The following CPN2 variants were observed in gnomAD, a reference collection of about 807,000 sequenced individuals.
The protein encoded by CPN2 is carboxypeptidase N subunit 2, also known as carboxypeptidase N 83 kDa chain.
For synonymous variants in CPN2, 336 were observed against 318.4 expected (o/e 1.06, Z -0.59); for missense variants, 620 against 671.4 (o/e 0.92, Z 0.85).
chr3:194,348,769 G>C (rs772734193), intron 1 of CPN2, among the ~76,000 whole-genome samples: 1 of 152,140 alleles, frequency 6.6e-6, no homozygotes, highest in Non-Finnish European at 1.5e-5. Context: ...GTGCATGCTT[G>C]TAGTCTCAAC....
chr3:194,346,011 T>C (rs5001415), intron 1 of CPN2, among the ~76,000 whole-genome samples: 47,619 of 152,168 alleles, frequency 0.31, 8,065 homozygotes, highest in African/African-American at 0.43. Flanking sequence ...GCTCGGGAGA[T>C]GCAGGCAGAG....
chr3:194,342,409 C>A lies in CPN2; in HGVS notation c.294G>T (p.Arg98Ser), dbSNP rs748762807. 1 of 1,614,210 alleles carries A rather than the reference C, an allele frequency of 6.2e-7. No individual in the cohort carries two copies. The highest frequency in any genetic ancestry group is 1.3e-5 in the African/African-American group (1 of 75,054). Reference sequence around the variant, plus strand: ...TGCCTGTGACCTCCAGGTCCTCCAGCCTGGGCAGCCCCCCGAAGGCATCCG... The same window carrying A: ...TGCCTGTGACCTCCAGGTCCTCCAGACTGGGCAGCCCCCCGAAGGCATCCG... ...FRPDAFGGLP[R>S]LEDLEVTGSS... The change falls in exon 2 of 2, where the codon AGG becomes AGT. Residue 98 changes from arginine to serine, a missense_variant. Physicochemically the swap from Arg to Ser is moderately radical, Grantham distance 110. Transcript: ENST00000323830.
intron 1 of CPN2, among the ~76,000 whole-genome samples, 199 bp downstream of exon 1, chr3:194,351,042 GC>G (rs1420895967): frequency 2.0e-5 from 3 of 151,962 alleles, no homozygotes; most frequent in Admixed American, 1.3e-4. Context: ...ACAAACCCCC[GC>G]CCCACCTTCC....
At chr3:194,347,146 C>G (rs1248919027) in intron 1 of CPN2, among the ~76,000 whole-genome samples, 1 of 151,694 alleles carries the variant, frequency 6.6e-6, no homozygotes, top group Non-Finnish European at 1.5e-5. Context: ...CAAATGCCCA[C>G]AAATATGTTC....
intron 1 of CPN2, among the ~76,000 whole-genome samples, chr3:194,345,898 CT>C (rs1360513071): frequency 6.6e-6 from 1 of 152,242 alleles, no homozygotes; most frequent in East Asian, 1.9e-4. Context: ...AAATAATGTG[CT>C]TTACACATTT....
At chr3:194,344,116 G>A (rs1712965231) in intron 1 of CPN2, among the ~76,000 whole-genome samples, 1 of 152,254 alleles carries the variant, frequency 6.6e-6, no homozygotes, top group Non-Finnish European at 1.5e-5. Context: ...CTCTGCTGGT[G>A]CCTCCTCCAC....
chr3:194,342,544 G>A lies in CPN2; in HGVS notation c.159C>T (p.Asn53=). ...VPLDIPPYTK[N]IIFVETSFTT... ...TGAACGAGGTCTCCACAAAGATGATGTTTTTCGTATATGGCGGGATGTCCA... is the reference window on the plus strand; with the variant it reads ...TGAACGAGGTCTCCACAAAGATGATATTTTTCGTATATGGCGGGATGTCCA... Residue 53 remains asparagine, a synonymous_variant, in exon 2 of 2, where the codon AAC becomes AAT. Coordinates refer to ENST00000323830, the MANE Select transcript of CPN2 (RefSeq NM_001080513.4). 1 of 1,614,178 alleles carries A rather than the reference G, an allele frequency of 6.2e-7. No individual in the cohort carries two copies. Among genetic ancestry groups the A allele is most frequent in the Non-Finnish European group, 8.5e-7 (1 of 1,180,034 alleles).
Position 194,342,422 on chromosome 3 carries a change from C to T in CPN2, c.281G>A (p.Gly94Glu), listed in dbSNP as rs1397214539. 1.9e-6 allele frequency: 3 copies of T among 1,614,194 alleles called. No individual in the cohort carries two copies. Among genetic ancestry groups the T allele is most frequent in the Admixed American group, 1.7e-5 (1 of 60,022 alleles). The change falls in exon 2 of 2, where the codon GGG (glycine) becomes GAG (glutamate). Residue 94 changes from glycine (G) to glutamate (E), a missense_variant. Physicochemically the swap from Gly to Glu is moderately conservative, Grantham distance 98. Coordinates refer to ENST00000323830, the MANE Select transcript of CPN2 (RefSeq NM_001080513.4). The stretch of plus-strand genomic sequence containing the variant: ...CAGGTCCTCCAGCCTGGGCAGCCCC[C>T]CGAAGGCATCCGGCCTAAACTGGCA... ...QLCQFRPDAF[G>E]GLPRLEDLEV... is the part of the protein sequence containing the mutation.
intron 1 of CPN2, among the ~76,000 whole-genome samples, chr3:194,350,372 GA>G (rs1560040243): frequency 1.3e-5 from 2 of 152,302 alleles, no homozygotes; most frequent in East Asian, 3.9e-4. Context: ...AGTAGCAGGG[GA>G]AAGCACTTTA....
In CPN2 at chr3:194,342,402, C is replaced by T; in HGVS notation, c.301G>A (p.Asp101Asn). ...AAGCTACTGCCTGTGACCTCCAGGT[C>T]CTCCAGCCTGGGCAGCCCCCCGAAG... ...DAFGGLPRLE[D>N]LEVTGSSFLN... The change falls in exon 2 of 2, where the codon GAC becomes AAC. Residue 101 changes from aspartate to asparagine, a missense_variant. By Grantham distance (23) the Asp-to-Asn change is conservative. Coordinates refer to ENST00000323830, the MANE Select transcript of CPN2 (RefSeq NM_001080513.4). The T allele has an allele frequency of 6.2e-7, 1 of 1,614,186 alleles. No homozygotes were observed. The highest frequency in any genetic ancestry group is 1.6e-4 in the Middle Eastern group (1 of 6,062).
In CPN2 at chr3:194,340,963, T is replaced by C. The variant is rs1402702715; in HGVS notation, c.*102A>G. 3.5e-6 allele frequency: 5 copies of C among 1,436,266 alleles called. No individual in the cohort carries two copies. The highest frequency in any genetic ancestry group is 2.9e-5 in the South Asian group (2 of 68,054). 89.0% of individuals were successfully genotyped at this position (1,436,266 alleles called of 1,614,324 possible). A position where few individuals can be genotyped will look rare whatever the true frequency, so the allele number is the denominator to read the frequency against. On this transcript the variant is annotated 3_prime_UTR_variant, in exon 2 of 2. Transcript: ENST00000323830. ...TGGGGATGTAACCCTGTCCCTTGCA[T>C]GTGAAAAGCCAAGGCTTCGGAGACT...
rs1440075336 is a variant in CPN2 at position 194,342,193 on chromosome 3, A to G, written c.510T>C (p.His170=). Residue 170 remains histidine, a synonymous_variant, in exon 2 of 2, where the codon CAT becomes CAC. Coordinates refer to ENST00000323830, the MANE Select transcript of CPN2 (RefSeq NM_001080513.4). ...TCTGGGCCAGGTTGAGTGTCTTCAGATGGGTCAGAGGCTGGAAGAGCCTCC... is the reference window on the plus strand; with the variant it reads ...TCTGGGCCAGGTTGAGTGTCTTCAGGTGGGTCAGAGGCTGGAAGAGCCTCC... The part of the protein sequence containing the change: ...LPRRLFQPLT[H]LKTLNLAQNL... 6.2e-7 allele frequency: 1 copy of G among 1,613,964 alleles called. No homozygotes were observed. Among genetic ancestry groups the G allele is most frequent in the Middle Eastern group, 1.7e-4 (1 of 6,060 alleles).
intron 1 of CPN2, among the ~76,000 whole-genome samples, chr3:194,349,823 C>T (rs1458572656): frequency 1.4e-5 from 1 of 71,430 alleles, no homozygotes; most frequent in African/African-American, 5.4e-5. Flanking sequence ...TTTTTTGAGA[C>T]AGAGTTTCAC....
chr3:194,341,019 G>A lies in CPN2; in HGVS notation c.*46C>T. ...CCCCTCCGCCCCTACCTGTCGCCTGGTCAGGCCCCAGAGGCCCCCTTCCCC... is the reference window on the plus strand; with the variant it reads ...CCCCTCCGCCCCTACCTGTCGCCTGATCAGGCCCCAGAGGCCCCCTTCCCC... On this transcript the variant is annotated 3_prime_UTR_variant, in exon 2 of 2. Transcript: ENST00000323830. 1.3e-6 allele frequency: 2 copies of A among 1,532,892 alleles called. No homozygotes were observed. Among genetic ancestry groups the A allele is most frequent in the South Asian group, 1.3e-5 (1 of 79,504 alleles). The allele number at this position is 1,532,892 out of a possible 1,614,324, so 95.0% of individuals were successfully genotyped here.
chr3:194,341,749 G>A lies in CPN2; in HGVS notation c.954C>T (p.Leu318=). 1.2e-6 allele frequency: 2 copies of A among 1,614,142 alleles called. No homozygotes were observed. The highest frequency in any genetic ancestry group is 1.6e-4 in the Middle Eastern group (1 of 6,062). ...GGGTAATGGCATTGTATGAGAGCATGAGGGAACGCAGGTTGGACAGGTGGG... is the reference window on the plus strand; with the variant it reads ...GGGTAATGGCATTGTATGAGAGCATAAGGGAACGCAGGTTGGACAGGTGGG... ...TFAHLSNLRS[L]MLSYNAITHL... The change falls in exon 2 of 2, where the codon CTC becomes CTT. Residue 318 remains leucine (L), a synonymous_variant. Coordinates refer to ENST00000323830, the MANE Select transcript of CPN2 (RefSeq NM_001080513.4).
chr3:194,343,794 A>G (rs1712951754), intron 1 of CPN2, among the ~76,000 whole-genome samples: 1 of 152,240 alleles, frequency 6.6e-6, no homozygotes, highest in South Asian at 2.1e-4. Flanking sequence ...TATATAGGTA[A>G]CAGTTTTACA....
chr3:194,343,827 T>G (rs1398256825), intron 1 of CPN2, among the ~76,000 whole-genome samples: 1 of 152,140 alleles, frequency 6.6e-6, no homozygotes, highest in African/African-American at 2.4e-5. Flanking sequence ...ATAGAGTGAG[T>G]AATTAATCAA....
In CPN2 at chr3:194,344,205, T is replaced by C. The variant is rs536298665; in HGVS notation, c.-3-1500A>G. Among the ~76,000 whole-genome samples, 23 of 152,300 alleles carry C rather than the reference T, an allele frequency of 1.5e-4. No individual in the cohort carries two copies. In the South Asian group the frequency reaches 4.6e-3, roughly 30 times the overall value. ...CTCAGTGCTTATTAGGGGAGCCCCC[T>C]TGACTCTCCCGCTCAGTCACTCAGT... On this transcript the variant is annotated intron_variant, in intron 1 of 1. Transcript: ENST00000323830.
At chr3:194,349,275 C>T (rs563314819) in intron 1 of CPN2, among the ~76,000 whole-genome samples, 2 of 152,268 alleles carry the variant, frequency 1.3e-5, no homozygotes, top group Non-Finnish European at 2.9e-5. Flanking sequence ...GCAGGAGAAT[C>T]GCTAGAACCC....
Sources: gnomAD v4.1 joint callset for allele counts (sites outside exome capture counted in the v4.1 genomes callset) on GRCh38, gnomAD v4.1.1 for gene constraint, MANE v1.5 for transcripts, NCBI Gene and HGNC (gene_info 2026-07-23, HGNC 2026-07-21) for gene names.